Variants in GPR39 observed in about 807,000 individuals in gnomAD.
GPR39 encodes the protein G protein-coupled receptor 39, also known as zinc sensing receptor.
GPR39 carries 23 observed loss-of-function variants against 18.4 expected under a neutral mutation model. That is an observed-to-expected ratio of 1.25 (90% CI 0.90 to 1.77). The LOEUF is 1.77. Ranked by LOEUF, GPR39 falls within the 40% of genes most tolerant of loss-of-function variation. GPR39 has a pLI of 0.00. For missense variants in GPR39, 647 were observed against 602.4 expected, an observed-to-expected ratio of 1.07 and a Z score of -0.78; for synonymous variants, 280 against 257.9, an observed-to-expected ratio of 1.09 and a Z score of -0.82.
At chr2:132,501,404 G>A (rs983472840) in intron 1 of GPR39, among the ~76,000 whole-genome samples, 4 of 152,110 alleles carry the variant, frequency 2.6e-5, no homozygotes, top group Admixed American at 6.6e-5. Flanking sequence ...TCCTTTTAGA[G>A]CTGATTTTCA....
intron 1 of GPR39, among the ~76,000 whole-genome samples, chr2:132,451,056 G>A (rs1476217461): frequency 6.6e-6 from 1 of 152,168 alleles, no homozygotes; most frequent in East Asian, 1.9e-4. Context: ...GAACAGAAAT[G>A]CTCTGGGAAG....
At chr2:132,458,178 C>T (rs374140309) in intron 1 of GPR39, among the ~76,000 whole-genome samples, 135 of 152,294 alleles carry the variant, frequency 8.9e-4, no homozygotes, top group African/African-American at 3.2e-3. Context: ...CCAGGTACCT[C>T]AGTTGGAAGT....
intron 1 of GPR39, among the ~76,000 whole-genome samples, chr2:132,457,870 C>G (rs540935297): frequency 1.3e-4 from 20 of 152,366 alleles, no homozygotes; most frequent in African/African-American, 4.3e-4. Flanking sequence ...AGGCTGCCAC[C>G]TCACAGTTCG....
chr2:132,465,629 G>C (rs1680914428), intron 1 of GPR39, among the ~76,000 whole-genome samples: 1 of 152,202 alleles, frequency 6.6e-6, no homozygotes, highest in Non-Finnish European at 1.5e-5. Flanking sequence ...CAGTGGAGTT[G>C]TCAAACATGC....
chr2:132,589,212 T>TTC (rs766598573), intron 1 of GPR39, among the ~76,000 whole-genome samples: 4 of 102,002 alleles, frequency 3.9e-5, no homozygotes, highest in Non-Finnish European at 8.4e-5. Flanking sequence ...TCTGGCCATG[T>TTC]CCCCCCCTCC....
At chr2:132,577,435 T>C (rs1483470276) in intron 1 of GPR39, among the ~76,000 whole-genome samples, 1 of 152,216 alleles carries the variant, frequency 6.6e-6, no homozygotes, top group East Asian at 1.9e-4. Flanking sequence ...ACAACTCTTA[T>C]GTGGATTTTG....
chr2:132,438,195 G>T (rs1325754518), intron 1 of GPR39, among the ~76,000 whole-genome samples: 1 of 152,190 alleles, frequency 6.6e-6, no homozygotes, highest in Non-Finnish European at 1.5e-5. Context: ...GATACGCAAG[G>T]TCCAACCATT....
In GPR39 at chr2:132,441,427, A is replaced by G. The variant is rs1301127589; in HGVS notation, c.856+23529A>G. Among the ~76,000 whole-genome samples, 5 of 149,946 alleles carry G rather than the reference A, an allele frequency of 3.3e-5. No homozygotes were observed. The East Asian group carries it at 8.0e-4, about 24-fold the overall frequency. ...TTGTTGTTGCAGATAGCAAATGTTT[A>G]TTGAATGCCTACCATGGAAAGAACT... On this transcript the variant is annotated intron_variant, in intron 1 of 1. Transcript: ENST00000329321.
chr2:132,560,663 G>A (rs2104803451), intron 1 of GPR39, among the ~76,000 whole-genome samples: 1 of 152,284 alleles, frequency 6.6e-6, no homozygotes, highest in African/African-American at 2.4e-5. Flanking sequence ...TAGCTCTCCA[G>A]ATTCTCTTTG....
intron 1 of GPR39, among the ~76,000 whole-genome samples, chr2:132,535,695 CTT>C (rs753801511): frequency 4.1e-5 from 4 of 96,520 alleles, no homozygotes; most frequent in East Asian, 6.3e-4. Flanking sequence ...TGGTCCTGGG[CTT>C]TTTTTTTTTG....
At chr2:132,535,424 G>A (rs6430366) in intron 1 of GPR39, among the ~76,000 whole-genome samples, 81,368 of 151,756 alleles carry the variant, frequency 0.54, 22,842 homozygotes, top group East Asian at 0.9. Context: ...CTGACTTCAT[G>A]GTGGACAAGC....
intron 1 of GPR39, among the ~76,000 whole-genome samples, chr2:132,433,122 T>C (rs1680251866): frequency 6.6e-6 from 1 of 152,204 alleles, no homozygotes; most frequent in Non-Finnish European, 1.5e-5. Flanking sequence ...GCATAAAATA[T>C]ATGTAGATTC....
At chr2:132,528,304 C>A (rs955452566) in intron 1 of GPR39, among the ~76,000 whole-genome samples, 1 of 152,138 alleles carries the variant, frequency 6.6e-6, no homozygotes. Context: ...TTTTTTGGTA[C>A]AAGTACCATG....
chr2:132,551,699 C>A (rs756013160), intron 1 of GPR39, among the ~76,000 whole-genome samples: 1 of 152,126 alleles, frequency 6.6e-6, no homozygotes, highest in African/African-American at 2.4e-5. Context: ...ACAATAAATG[C>A]CTGAAACAGT....
In GPR39 at chr2:132,646,203, G is replaced by C. The variant is rs747833648; in HGVS notation, c.*597G>C. On this transcript the variant is annotated 3_prime_UTR_variant, in exon 2 of 2. Transcript: ENST00000329321. ...ATGCAAACTGAGTTCAGTTTCCCTG[G>C]GGAGCAGAAGGACTGGTACCCGGCA... 1 of 1,607,312 alleles carries C rather than the reference G, an allele frequency of 6.2e-7. No individual in the cohort carries two copies. Among genetic ancestry groups the C allele is most frequent in the Non-Finnish European group, 8.5e-7 (1 of 1,176,232 alleles).
At chr2:132,463,539 G>C (rs570903432) in intron 1 of GPR39, among the ~76,000 whole-genome samples, 78 of 150,664 alleles carry the variant, frequency 5.2e-4, no homozygotes, top group Middle Eastern at 3.4e-3. Flanking sequence ...CATCGATTTT[G>C]GTCTAGAGTC....
intron 1 of GPR39, among the ~76,000 whole-genome samples, chr2:132,496,635 C>A (rs1681647006): frequency 6.6e-6 from 1 of 152,206 alleles, no homozygotes; most frequent in Non-Finnish European, 1.5e-5. Context: ...CAGTTCTCCT[C>A]GGCTCTGAGT....
intron 1 of GPR39, among the ~76,000 whole-genome samples, chr2:132,543,101 G>A (rs1432332681): frequency 6.6e-6 from 1 of 152,160 alleles, no homozygotes; most frequent in Non-Finnish European, 1.5e-5. Context: ...CTTGTCTCAC[G>A]ACCAGGAAGA....
rs933159383 is a variant in GPR39 at position 132,492,086 on chromosome 2, C to G, written c.856+74188C>G. ...TGTATACACCACATATATATACACA[C>G]CACATATATATATACATACCATATA... On this transcript the variant is annotated intron_variant, in intron 1 of 1. Coordinates refer to ENST00000329321, the MANE Select transcript of GPR39 (RefSeq NM_001508.3). Among the ~76,000 whole-genome samples, 59 of 149,376 alleles carry G rather than the reference C, an allele frequency of 3.9e-4. 5 individuals are homozygous for G. The highest frequency in any genetic ancestry group is 1.5e-5 in the Non-Finnish European group (1 of 67,348).
Sources: gnomAD v4.1 joint callset for allele counts (sites outside exome capture counted in the v4.1 genomes callset) on GRCh38, gnomAD v4.1.1 for gene constraint, MANE v1.5 for transcripts, NCBI Gene and HGNC (gene_info 2026-07-23, HGNC 2026-07-21) for gene names.